DSCAML1: variants seen among roughly 807,000 people sequenced by gnomAD.
DSCAML1 encodes the protein cell adhesion molecule DSCAML1.
Under a neutral mutation model 200.5 loss-of-function variants are expected in DSCAML1, and 38 were observed. That is an observed-to-expected ratio of 0.19 (90% CI 0.15 to 0.25). The LOEUF (loss-of-function observed/expected upper bound fraction) is 0.25, where lower values mean the gene tolerates loss of function less well. Ranked by LOEUF, DSCAML1 falls within the 10% of genes least tolerant of loss-of-function variation. DSCAML1 has a pLI of 1.00. For synonymous variants in DSCAML1, 1,215 were observed against 1,165.0 expected, an observed-to-expected ratio of 1.04 and a Z score of -0.87; for missense variants, 2,223 against 2,858.8, an observed-to-expected ratio of 0.78 and a Z score of 5.07.
intron 3 of DSCAML1, among the ~76,000 whole-genome samples, chr11:117,773,604 G>A (rs1286595810): frequency 6.6e-6 from 1 of 151,560 alleles, no homozygotes; most frequent in Non-Finnish European, 1.5e-5. Context: ...TATGGTTAGT[G>A]GAAAAAAATC....
rs55719317 is a variant in DSCAML1 at position 117,767,124 on chromosome 11, C to T, written c.511+9667G>A. Among the ~76,000 whole-genome samples the T allele has an allele frequency of 4.0e-3, 602 of 152,226 alleles. 3 individuals carry two copies. Among genetic ancestry groups the T allele is most frequent in the African/African-American group, 0.014 (574 of 41,514 alleles). On this transcript the variant is annotated intron_variant, in intron 3 of 32. Transcript: ENST00000651296. ...TGAACGGGCTTTATAAACCGGAGAG[C>T]ACCATACAAACCGAAGGTGATGCCG...
At chr11:117,657,558 C>T (rs914659511) in intron 3 of DSCAML1, among the ~76,000 whole-genome samples, 6 of 152,174 alleles carry the variant, frequency 3.9e-5, no homozygotes, top group African/African-American at 1.2e-4. Flanking sequence ...TTTAATGCTC[C>T]GTGTCAGTGA....
At chr11:117,777,215 A>G (rs1269975197) in intron 2 of DSCAML1, among the ~76,000 whole-genome samples, 2 of 152,114 alleles carry the variant, frequency 1.3e-5, no homozygotes, top group East Asian at 3.8e-4. Flanking sequence ...ATCCATCCAA[A>G]TTCCTACCTT....
At chr11:117,779,211 A>T (rs1469342214) in intron 2 of DSCAML1, among the ~76,000 whole-genome samples, 3 of 152,102 alleles carry the variant, frequency 2.0e-5, no homozygotes, top group African/African-American at 7.2e-5. Flanking sequence ...CTTTAAGTTG[A>T]AAAGCTCTTC....
At chr11:117,724,117 T>C (rs892566808) in intron 3 of DSCAML1, among the ~76,000 whole-genome samples, 1 of 152,168 alleles carries the variant, frequency 6.6e-6, no homozygotes, top group African/African-American at 2.4e-5. Context: ...TCACAACATT[T>C]TTCCCCCTCC....
chr11:117,453,910 T>G lies in DSCAML1; in HGVS notation c.3569-3222A>C, dbSNP rs187817349. On this transcript the variant is annotated intron_variant, in intron 19 of 32. Coordinates refer to ENST00000651296, the MANE Select transcript of DSCAML1 (RefSeq NM_020693.4). ...GGCACCTGCCACTGCACCTGGCTAA[T>G]TTTTTGTATTTTTAGTAGAGATGGG... Among the ~76,000 whole-genome samples, 61 of 152,012 alleles carry G rather than the reference T, an allele frequency of 4.0e-4. No homozygotes were observed. The East Asian group carries it at 7.5e-3, about 19-fold the overall frequency.
chr11:117,773,804 A>G (rs1008265108), intron 3 of DSCAML1, among the ~76,000 whole-genome samples: 2 of 152,108 alleles, frequency 1.3e-5, no homozygotes, highest in African/African-American at 4.8e-5. Flanking sequence ...CCCGGATCTA[A>G]CATGTAGCTG....
In DSCAML1 at chr11:117,503,773, G is replaced by A; in HGVS notation, c.2359+72C>T. 3 of 1,491,998 alleles carry A rather than the reference G, an allele frequency of 2.0e-6. No individual in the cohort carries two copies. The highest frequency in any genetic ancestry group is 2.7e-6 in the Non-Finnish European group (3 of 1,097,890). The allele number at this position is 1,491,998 out of a possible 1,614,324, so 92.4% of individuals were successfully genotyped here. On this transcript the variant is annotated intron_variant, in intron 11 of 32. Coordinates refer to ENST00000651296, the MANE Select transcript of DSCAML1 (RefSeq NM_020693.4). The surrounding 1 kb of genome is among the most constrained non-coding windows in gnomAD (Gnocchi z 5.2). ...GAAACGACGGAGACTAAGAGAGTAG[G>A]CAGGGAGAGTGCAGAGCCGGGGCTT...
At chr11:117,815,423 G>T (rs1214654528) in intron 1 of DSCAML1, among the ~76,000 whole-genome samples, 2 of 152,198 alleles carry the variant, frequency 1.3e-5, no homozygotes, top group Non-Finnish European at 2.9e-5. Flanking sequence ...GGTGTGGTCT[G>T]CACTGAGCTG....
chr11:117,557,133 G>C (rs1002932800), intron 3 of DSCAML1, among the ~76,000 whole-genome samples: 1 of 152,174 alleles, frequency 6.6e-6, no homozygotes, highest in African/African-American at 2.4e-5. Flanking sequence ...AGGAATTTAA[G>C]ATGCCCGTAG....
intron 11 of DSCAML1, among the ~76,000 whole-genome samples, chr11:117,495,719 C>T (rs2049277476): frequency 1.3e-5 from 2 of 152,216 alleles, no homozygotes; most frequent in South Asian, 4.2e-4. Context: ...CCCTCCGTTC[C>T]CATCTACTCC....
chr11:117,431,662 G>T lies in DSCAML1; in HGVS notation c.5246C>A (p.Thr1749Asn), dbSNP rs2137060068. The change falls in exon 31 of 33, where the codon ACC (threonine) becomes AAC (asparagine). Residue 1749 changes from threonine to asparagine, a missense_variant. Coordinates refer to ENST00000651296, the MANE Select transcript of DSCAML1 (RefSeq NM_020693.4). ...STRNRYSSQW[T>N]LTKCQASTPA... is the part of the protein sequence containing the mutation. ...TGTGGAGGCCTGGCACTTGGTCAGG[G>T]TCCACTGGCTTGAGTACCGGTTCCG... The T allele has an allele frequency of 3.1e-6, 5 of 1,612,770 alleles. No homozygotes were observed. The highest frequency in any genetic ancestry group is 1.7e-4 in the Middle Eastern group (1 of 6,052).
chr11:117,629,309 C>T (rs2052121621), intron 3 of DSCAML1, among the ~76,000 whole-genome samples: 1 of 152,084 alleles, frequency 6.6e-6, no homozygotes, highest in South Asian at 2.1e-4. Context: ...ATCCCTGGTG[C>T]TGAGACCTGA....
chr11:117,523,455 G>A lies in DSCAML1; in HGVS notation c.937+1350C>T, dbSNP rs1180798807. On this transcript the variant is annotated intron_variant, in intron 5 of 32. Coordinates refer to ENST00000651296, the MANE Select transcript of DSCAML1 (RefSeq NM_020693.4). ...CGAGAGGAACCCCCAGGCCCCTGAAGTAGGGCTTTCAGCGTTTTAACCTAA... is the reference window on the plus strand; with the variant it reads ...CGAGAGGAACCCCCAGGCCCCTGAAATAGGGCTTTCAGCGTTTTAACCTAA... Among the ~76,000 whole-genome samples the A allele has an allele frequency of 2.6e-5, 4 of 152,222 alleles. No individual in the cohort carries two copies. In the South Asian group the frequency reaches 6.2e-4, roughly 24 times the overall value.
intron 3 of DSCAML1, among the ~76,000 whole-genome samples, chr11:117,669,109 G>A (rs2053045201): frequency 6.6e-6 from 1 of 152,170 alleles, no homozygotes; most frequent in African/African-American, 2.4e-5. Context: ...TGCCCCCAGG[G>A]CCTCTTGCTG....
chr11:117,610,849 C>A lies in DSCAML1; in HGVS notation c.512-78327G>T, dbSNP rs1008291727. ...AAACCAAACCAAAACAACCCCCCCC[C>A]CCCACAATGTGTTCGTAGACTTCTT... On this transcript the variant is annotated intron_variant, in intron 3 of 32. Coordinates refer to ENST00000651296, the MANE Select transcript of DSCAML1 (RefSeq NM_020693.4). Among the ~76,000 whole-genome samples, 129 of 148,598 alleles carry A rather than the reference C, an allele frequency of 8.7e-4. 3 individuals carry two copies. Among genetic ancestry groups the A allele is most frequent in the Non-Finnish European group, 2.2e-4 (15 of 67,152 alleles).
At position 117,437,828 on chromosome 11, in the gene DSCAML1, C is replaced by T; in HGVS notation, c.4432+67G>A. The T allele has an allele frequency of 6.7e-7, 1 of 1,483,672 alleles. No homozygotes were observed. Among genetic ancestry groups the T allele is most frequent in the Non-Finnish European group, 9.0e-7 (1 of 1,114,716 alleles). 91.9% of individuals were successfully genotyped at this position (1,483,672 alleles called of 1,614,324 possible). On this transcript the variant is annotated intron_variant, in intron 25 of 32. Transcript: ENST00000651296. The surrounding 1 kb of genome is among the most constrained non-coding windows in gnomAD (Gnocchi z 5.3). ...ACCCCAGCCACCTTACACCCCATAC[C>T]TGGCCCCTCTAGCCCACCCTCCCTG... is the stretch of plus-strand genomic sequence containing the variant.
intron 3 of DSCAML1, among the ~76,000 whole-genome samples, chr11:117,672,102 GAA>G (rs71037491): frequency 0.58 from 54,717 of 93,538 alleles, 14,937 homozygotes; most frequent in East Asian, 0.74. Flanking sequence ...CTCCAGCTCA[GAA>G]AAAAAAAAAA....
intron 8 of DSCAML1, among the ~76,000 whole-genome samples, chr11:117,511,521 G>A (rs1308358344): frequency 6.6e-6 from 1 of 152,130 alleles, no homozygotes. Flanking sequence ...TTTGATCTGT[G>A]TGCTCTCCTC....
Sources: gnomAD v4.1 joint callset for allele counts (sites outside exome capture counted in the v4.1 genomes callset) on GRCh38, gnomAD v4.1.1 for gene constraint, Gnocchi (gnomAD v3.1) non-coding constraint, MANE v1.5 for transcripts, NCBI Gene and HGNC (gene_info 2026-07-23, HGNC 2026-07-21) for gene names.